KCNU1: variants seen among roughly 807,000 people sequenced by gnomAD.
KCNU1 encodes the protein potassium calcium-activated channel subfamily U member 1, also known as potassium channel subfamily U member 1.
Under a neutral mutation model 126.8 loss-of-function variants are expected in KCNU1, and 93 were observed. That is an observed-to-expected ratio of 0.73 (90% CI 0.62 to 0.87). The LOEUF (loss-of-function observed/expected upper bound fraction) is 0.87. Among genes scored for constraint, KCNU1 ranks in the 40% least tolerant of loss-of-function variants. The pLI is 0.00. For synonymous variants in KCNU1, 523 were observed against 494.2 expected (o/e 1.06, Z -0.77); for missense variants, 1,330 against 1,367.1 (o/e 0.97, Z 0.43).
In KCNU1 at chr8:36,867,793, G is replaced by C. The variant is rs559544273; in HGVS notation, c.2009+3272G>C. On this transcript the variant is annotated intron_variant, in intron 19 of 26. Transcript: ENST00000399881. ...ATTTTTCCCATTGGTTTTAATTCTC[G>C]TCTGTAATAAACAAGAAAATGGTTT... Among the ~76,000 whole-genome samples the C allele has an allele frequency of 2.0e-5, 3 of 151,986 alleles. 1 individual carries two copies. Among genetic ancestry groups the C allele is most frequent in the African/African-American group, 7.2e-5 (3 of 41,400 alleles).
At chr8:36,889,117 G>A in intron 19 of KCNU1, 2 of 532,406 alleles carry the variant, frequency 3.8e-6, no homozygotes, top group South Asian at 1.4e-5. Flanking sequence ...GACCTCAAGT[G>A]ATCCACCTGC....
chr8:36,922,503 C>T lies in KCNU1; in HGVS notation c.2610C>T (p.Asn870=). ...PILTELKNPS[N]IHFIEQLGGL... ...CTTGCCTTGCAGAAAATCCTTCCAA[C>T]ATTCACTTTATTGAACAGCTTGGTG... The change falls in exon 24 of 27, where the codon AAC becomes AAT. Residue 870 remains asparagine, a synonymous_variant. Transcript: ENST00000399881. 6.2e-7 allele frequency: 1 copy of T among 1,611,120 alleles called. No individual in the cohort carries two copies. The highest frequency in any genetic ancestry group is 8.5e-7 in the Non-Finnish European group (1 of 1,179,006).
intron 18 of KCNU1, among the ~76,000 whole-genome samples, chr8:36,850,524 A>T (rs1454692062): frequency 6.6e-6 from 1 of 150,658 alleles, no homozygotes. Context: ...TGGTACAGTC[A>T]TGGCTCACTA....
chr8:36,799,799 C>T (rs770765256), intron 2 of KCNU1, among the ~76,000 whole-genome samples: 5 of 151,994 alleles, frequency 3.3e-5, no homozygotes, highest in Non-Finnish European at 7.4e-5. Context: ...CCTCGGCCTC[C>T]CAAATTGCTG....
chr8:36,855,231 G>A (rs963398410), intron 18 of KCNU1, among the ~76,000 whole-genome samples: 3 of 152,050 alleles, frequency 2.0e-5, no homozygotes, highest in Admixed American at 1.3e-4. Flanking sequence ...TCCCTTATAA[G>A]TAAGAAGACA....
At chr8:36,878,503 G>T (rs531123903) in intron 19 of KCNU1, among the ~76,000 whole-genome samples, 2 of 152,212 alleles carry the variant, frequency 1.3e-5, no homozygotes, top group South Asian at 4.1e-4. Context: ...TAGCTTCTCA[G>T]TTTCCCAGTT....
chr8:36,812,365 G>T (rs896550720), intron 7 of KCNU1, among the ~76,000 whole-genome samples: 3 of 133,980 alleles, frequency 2.2e-5, no homozygotes, highest in Non-Finnish European at 3.0e-5. Context: ...GAGTGACAGA[G>T]CAAGACTCCT....
At chr8:36,821,045 C>A (rs1257121372) in intron 10 of KCNU1, among the ~76,000 whole-genome samples, 2 of 152,026 alleles carry the variant, frequency 1.3e-5, no homozygotes, top group Admixed American at 1.3e-4. Flanking sequence ...CTGATAGCAG[C>A]CCTACCAACT....
At position 36,918,881 on chromosome 8, in the gene KCNU1, T is replaced by C; in HGVS notation, c.2580T>C (p.Pro860=). Residue 860 remains proline, a synonymous_variant, in exon 23 of 27, where the codon CCT becomes CCC. Coordinates refer to ENST00000399881, the MANE Select transcript of KCNU1 (RefSeq NM_001031836.3). Reference sequence around the variant, plus strand: ...AGAAATCAAACTGCCGAAAAGTCCCTATCCTTACTGAACTGAGTAAGTGGT... The same window carrying C: ...AGAAATCAAACTGCCGAAAAGTCCCCATCCTTACTGAACTGAGTAAGTGGT... ...HNEKSNCRKV[P]ILTELKNPSN... The C allele has an allele frequency of 6.2e-7, 1 of 1,604,610 alleles. No individual in the cohort carries two copies. The highest frequency in any genetic ancestry group is 8.5e-7 in the Non-Finnish European group (1 of 1,171,408).
At chr8:36,914,963 A>C (rs1808040827) in intron 22 of KCNU1, among the ~76,000 whole-genome samples, 2 of 152,200 alleles carry the variant, frequency 1.3e-5, no homozygotes, top group African/African-American at 4.8e-5. Flanking sequence ...TACCCAGGCT[A>C]TGATCTGACA....
rs202094063 is a variant in KCNU1, at chr8:36,879,213, A to G, written c.2009+14692A>G. 8.0e-3 allele frequency among the ~76,000 whole-genome samples: 931 copies of G among 116,724 alleles called. 12 individuals carry two copies. Among genetic ancestry groups the G allele is most frequent in the African/African-American group, 0.029 (766 of 26,102 alleles). The allele number at this position is 116,724 out of a possible 152,430, so 76.6% of individuals were successfully genotyped here. A position where few individuals can be genotyped will look rare whatever the true frequency, so the allele number is the denominator to read the frequency against. On this transcript the variant is annotated intron_variant, in intron 19 of 26. Coordinates refer to ENST00000399881, the MANE Select transcript of KCNU1 (RefSeq NM_001031836.3). ...TGTATGTGTGTGTGTGTGTGTGTGTATATATATATATATATATATATATAT... is the reference window on the plus strand; with the variant it reads ...TGTATGTGTGTGTGTGTGTGTGTGTGTATATATATATATATATATATATAT...
chr8:36,919,006 T>C, intron 23 of KCNU1, 109 bp downstream of exon 23: 1 of 741,348 alleles, frequency 1.3e-6, no homozygotes, highest in Non-Finnish European at 2.4e-6. Flanking sequence ...GGAACCAGAA[T>C]GGGGCTCAGA....
At chr8:36,806,214 C>T (rs371212791) in intron 4 of KCNU1, 55 bp from the exon 5 acceptor site, 4 of 1,067,838 alleles carry the variant, frequency 3.7e-6, no homozygotes, top group African/African-American at 1.6e-5. Flanking sequence ...ATCTAGTGTT[C>T]ACTTAAAATT....
chr8:36,855,141 C>T (rs1178105835), intron 18 of KCNU1, among the ~76,000 whole-genome samples: 3 of 152,130 alleles, frequency 2.0e-5, no homozygotes, highest in African/African-American at 4.8e-5. Flanking sequence ...GGCCTTTCTG[C>T]TTATGCATAC....
At chr8:36,847,493 T>A (rs1805193274) in intron 18 of KCNU1, among the ~76,000 whole-genome samples, 1 of 152,144 alleles carries the variant, frequency 6.6e-6, no homozygotes. Flanking sequence ...TCTCTCTGCA[T>A]CTTCCCCTCC....
chr8:36,883,844 G>T (rs1806586510), intron 19 of KCNU1, among the ~76,000 whole-genome samples: 1 of 152,152 alleles, frequency 6.6e-6, no homozygotes, highest in Non-Finnish European at 1.5e-5. Context: ...CCAATCAGTT[G>T]CAAAATACTA....
At chr8:36,834,974 C>A in intron 12 of KCNU1, 106 bp downstream of exon 12, 1 of 719,702 alleles carries the variant, frequency 1.4e-6, no homozygotes, top group South Asian at 1.8e-5. Context: ...TCTATCATAT[C>A]ACTAGGTTCA....
intron 10 of KCNU1, among the ~76,000 whole-genome samples, chr8:36,826,590 G>T (rs1254109757): frequency 6.6e-6 from 1 of 152,048 alleles, no homozygotes. Flanking sequence ...TGGATAATTT[G>T]TTTTGACCTA....
At chr8:36,862,961 A>G (rs1266530800) in intron 18 of KCNU1, among the ~76,000 whole-genome samples, 3 of 152,102 alleles carry the variant, frequency 2.0e-5, no homozygotes, top group Admixed American at 2.0e-4. Context: ...TTCCCGAGCC[A>G]TTCCCCCCAG....
Sources: allele counts gnomAD v4.1 joint callset (sites outside exome capture counted in the v4.1 genomes callset), GRCh38; gene constraint gnomAD v4.1.1; transcripts MANE v1.5; gene names NCBI Gene and HGNC (gene_info 2026-07-23, HGNC 2026-07-21).